PTPRT: variants seen among roughly 807,000 people sequenced by gnomAD.
PTPRT encodes the protein protein tyrosine phosphatase receptor type T, also known as receptor-type tyrosine-protein phosphatase T.
Under a neutral mutation model 176.8 loss-of-function variants are expected in PTPRT, and 56 were observed. That is an observed-to-expected ratio of 0.32 (90% CI 0.26 to 0.40). PTPRT has a LOEUF of 0.40. Among genes scored for constraint, PTPRT ranks in the 10% least tolerant of loss-of-function variants. PTPRT has a pLI of 1.00. For synonymous variants in PTPRT, 783 were observed against 739.0 expected (o/e 1.06, Z -0.96); for missense variants, 1,540 against 1,908.2 (o/e 0.81, Z 3.60).
intron 1 of PTPRT, among the ~76,000 whole-genome samples, chr20:43,021,986 G>A (rs1985703408): frequency 6.6e-6 from 1 of 152,130 alleles, no homozygotes; most frequent in South Asian, 2.1e-4. Flanking sequence ...AAAGAGGTAT[G>A]AGCTACTGAG....
At chr20:42,142,031 T>C (rs756300515) in intron 17 of PTPRT, 29 bp from the exon 18 acceptor site, 1 of 1,590,326 alleles carries the variant, frequency 6.3e-7, no homozygotes, top group Non-Finnish European at 8.6e-7. Flanking sequence ...GTGGTTAGAG[T>C]GGCCTGAGAT....
At chr20:42,999,165 G>T (rs1181427059) in intron 1 of PTPRT, among the ~76,000 whole-genome samples, 2 of 152,084 alleles carry the variant, frequency 1.3e-5, no homozygotes, top group African/African-American at 4.8e-5. Flanking sequence ...AGAATATTTA[G>T]CCACATAGGA....
At chr20:42,461,426 ACT>A (rs2071017742) in intron 8 of PTPRT, among the ~76,000 whole-genome samples, 1 of 152,068 alleles carries the variant, frequency 6.6e-6, no homozygotes, top group Admixed American at 6.6e-5. Flanking sequence ...TGTCCTAGCT[ACT>A]GGAGAGGGTG....
chr20:42,510,225 AC>A (rs1244844334), intron 7 of PTPRT, among the ~76,000 whole-genome samples: 2 of 151,736 alleles, frequency 1.3e-5, no homozygotes, highest in African/African-American at 4.8e-5. Context: ...CCAATACCTA[AC>A]CCCCCTTGAA....
intron 14 of PTPRT, among the ~76,000 whole-genome samples, chr20:42,244,391 A>T (rs1014671980): frequency 6.6e-6 from 1 of 152,218 alleles, no homozygotes; most frequent in Non-Finnish European, 1.5e-5. Context: ...AGACAAGGAA[A>T]GTTTGGCAAA....
intron 16 of PTPRT, among the ~76,000 whole-genome samples, chr20:42,171,539 A>G (rs1184612750): frequency 6.6e-6 from 1 of 152,152 alleles, no homozygotes; most frequent in Admixed American, 6.5e-5. Context: ...GACACTCTTA[A>G]TTGAAGAACA....
At chr20:42,851,429 C>G (rs2078467780) in intron 2 of PTPRT, among the ~76,000 whole-genome samples, 1 of 152,180 alleles carries the variant, frequency 6.6e-6, no homozygotes, top group Non-Finnish European at 1.5e-5. Flanking sequence ...TCTTGCATTT[C>G]TCCCTTTCCA....
intron 7 of PTPRT, among the ~76,000 whole-genome samples, chr20:42,598,689 A>G (rs77437568): frequency 0.052 from 7,944 of 151,890 alleles, 702 homozygotes; most frequent in African/African-American, 0.17. Flanking sequence ...GGAACCATAC[A>G]TAGGGAAAAA....
chr20:42,949,304 G>A (rs1410902991), intron 1 of PTPRT, among the ~76,000 whole-genome samples: 1 of 152,134 alleles, frequency 6.6e-6, no homozygotes, highest in Non-Finnish European at 1.5e-5. Context: ...CTGAGCCTAG[G>A]TCATAATAAA....
intron 6 of PTPRT, among the ~76,000 whole-genome samples, chr20:42,733,705 C>T (rs911684837): frequency 2.6e-5 from 4 of 152,174 alleles, no homozygotes; most frequent in Non-Finnish European, 4.4e-5. Context: ...TTGCAGCCAT[C>T]GGAGGCTACA....
intron 12 of PTPRT, among the ~76,000 whole-genome samples, chr20:42,313,630 G>A (rs774886328): frequency 7.2e-5 from 11 of 152,178 alleles, no homozygotes; most frequent in Non-Finnish European, 1.3e-4. Flanking sequence ...CTTTTGATAT[G>A]TGCCAAGAGC....
chr20:42,842,588 T>G (rs781275560), intron 2 of PTPRT, among the ~76,000 whole-genome samples: 8 of 151,440 alleles, frequency 5.3e-5, no homozygotes, highest in Non-Finnish European at 8.8e-5. Flanking sequence ...CCCAACAAAT[T>G]TTTGTATTTT....
chr20:42,476,465 C>T (rs755287515), intron 7 of PTPRT, among the ~76,000 whole-genome samples: 3 of 152,120 alleles, frequency 2.0e-5, no homozygotes, highest in African/African-American at 4.8e-5. Flanking sequence ...GGGTTGAGGT[C>T]GGCATGCCTT....
At chr20:42,698,022 C>T (rs971987122) in intron 6 of PTPRT, among the ~76,000 whole-genome samples, 3 of 152,148 alleles carry the variant, frequency 2.0e-5, no homozygotes, top group African/African-American at 2.4e-5. Flanking sequence ...GATCTCTAAT[C>T]GTATCATTCC....
intron 14 of PTPRT, among the ~76,000 whole-genome samples, chr20:42,238,104 C>A (rs148986344): frequency 8.5e-5 from 13 of 152,166 alleles, no homozygotes; most frequent in African/African-American, 2.9e-4. Context: ...GGCACCATTA[C>A]CCTCGTTTTA....
At position 42,735,511 on chromosome 20, in the gene PTPRT, T is replaced by TA. The variant is rs879467490; in HGVS notation, c.859+20950dup. ...TGATTCCTTTCTACATATTTTTCTT[T>TA]AAAAAAAAAAACTCAGTGTTTATTT... On this transcript the variant is annotated intron_variant, in intron 6 of 30. Coordinates refer to ENST00000373187, the MANE Select transcript of PTPRT (RefSeq NM_007050.6). Among the ~76,000 whole-genome samples, 217 of 147,488 alleles carry TA rather than the reference T, an allele frequency of 1.5e-3. 1 individual carries two copies. Among genetic ancestry groups the TA allele is most frequent in the Non-Finnish European group, 2.0e-3 (133 of 66,478 alleles).
intron 14 of PTPRT, among the ~76,000 whole-genome samples, chr20:42,247,495 G>T (rs2056473315): frequency 6.6e-6 from 1 of 152,170 alleles, no homozygotes; most frequent in Non-Finnish European, 1.5e-5. Flanking sequence ...CTTTGTTCTG[G>T]TAGGAAACAC....
intron 13 of PTPRT, among the ~76,000 whole-genome samples, chr20:42,263,125 G>A (rs1397595019): frequency 6.6e-6 from 1 of 152,202 alleles, no homozygotes; most frequent in Non-Finnish European, 1.5e-5. Flanking sequence ...ATAGGCACTA[G>A]GTGGTAAATG....
intron 1 of PTPRT, among the ~76,000 whole-genome samples, chr20:42,902,227 A>C (rs1460906468): frequency 6.6e-6 from 1 of 152,190 alleles, no homozygotes; most frequent in Non-Finnish European, 1.5e-5. Context: ...GAGGAAACAA[A>C]AAAAGGAAAA....
Sources: gnomAD v4.1 joint callset for allele counts (sites outside exome capture counted in the v4.1 genomes callset) on GRCh38, gnomAD v4.1.1 for gene constraint, MANE v1.5 for transcripts, NCBI Gene and HGNC (gene_info 2026-07-23, HGNC 2026-07-21) for gene names.